PDE6A: variants seen among roughly 807,000 people sequenced by gnomAD.
PDE6A encodes the protein phosphodiesterase 6A, also known as rod cGMP-specific 3',5'-cyclic phosphodiesterase subunit alpha.
A neutral mutation model predicts 106.3 loss-of-function variants in PDE6A; 84 were observed. That is an observed-to-expected ratio of 0.79 (90% CI 0.66 to 0.95). The LOEUF is 0.95. Among genes scored for constraint, PDE6A ranks in the 40% least tolerant of loss-of-function variants. The probability of loss-of-function intolerance (pLI) is 0.00; values close to 1 mark genes in which losing one functional copy is unlikely to be tolerated. For synonymous variants in PDE6A, 394 were observed against 386.6 expected, an observed-to-expected ratio of 1.02 and a Z score of -0.23; for missense variants, 1,052 against 1,084.9, an observed-to-expected ratio of 0.97 and a Z score of 0.43.
intron 11 of PDE6A, 48 bp from the exon 12 acceptor site, chr5:149,896,550 G>C: frequency 6.2e-7 from 1 of 1,614,004 alleles, no homozygotes; most frequent in African/African-American, 1.3e-5. Flanking sequence ...AAGTGTTTCT[G>C]GGTGCCCACC....
intron 13 of PDE6A, among the ~76,000 whole-genome samples, chr5:149,894,644 T>TTG (rs1561725733): frequency 6.8e-6 from 1 of 147,824 alleles, no homozygotes; most frequent in African/African-American, 2.5e-5. Flanking sequence ...TTTTTTTTTT[T>TTG]TTTTTTGAGA....
chr5:149,931,213 T>TGAGCTACTACTTTGC, intron 3 of PDE6A, 45 bp from the exon 4 acceptor site: 1 of 1,594,490 alleles, frequency 6.3e-7, no homozygotes, highest in Non-Finnish European at 8.6e-7. Flanking sequence ...AGGTGCAAAG[T>TGAGCTACTACTTTGC]AGTAGCTCAC....
At chr5:149,909,736 G>A (rs1220626435) in intron 6 of PDE6A, among the ~76,000 whole-genome samples, 3 of 152,108 alleles carry the variant, frequency 2.0e-5, no homozygotes, top group African/African-American at 4.8e-5. Flanking sequence ...CATCACACAG[G>A]TTTTTTATTT....
chr5:149,866,458 C>CAA, intron 19 of PDE6A: 3 of 467,468 alleles, frequency 6.4e-6, no homozygotes, highest in Non-Finnish European at 7.7e-6. Context: ...GGAAACTGCA[C>CAA]AAAAAAAAAG....
chr5:149,903,719 T>C, intron 7 of PDE6A, 24 bp from the exon 8 acceptor site: 1 of 1,607,426 alleles, frequency 6.2e-7, no homozygotes, highest in Non-Finnish European at 8.5e-7. Context: ...AGGGGAATAA[T>C]GAAGGTGTGA....
At position 149,914,938 on chromosome 5, in the gene PDE6A, C is replaced by T; in HGVS notation, c.998+5G>A. 6.3e-7 allele frequency: 1 copy of T among 1,599,490 alleles called. No homozygotes were observed. The highest frequency in any genetic ancestry group is 8.6e-7 in the Non-Finnish European group (1 of 1,167,536). On this transcript the variant is annotated splice_donor_5th_base_variant and intron_variant, in intron 6 of 21. Transcript: ENST00000255266. Reference sequence around the variant, plus strand: ...TCATTTTGTCTTTTGACAGGTGAAACTTACGGGATGACTTTGATGTCCTCT... The same window carrying T: ...TCATTTTGTCTTTTGACAGGTGAAATTTACGGGATGACTTTGATGTCCTCT...
At chr5:149,911,886 G>A (rs1753399760) in intron 6 of PDE6A, among the ~76,000 whole-genome samples, 1 of 150,978 alleles carries the variant, frequency 6.6e-6, no homozygotes, top group Admixed American at 6.6e-5. Flanking sequence ...AGGCATGGTG[G>A]CTCACACCTG....
intron 13 of PDE6A, among the ~76,000 whole-genome samples, chr5:149,891,760 A>C (rs75511274): frequency 0.016 from 2,468 of 152,088 alleles, 35 homozygotes; most frequent in Non-Finnish European, 0.026. Context: ...CCATAATGAC[A>C]TTACTGCACT....
chr5:149,883,612 T>G, intron 16 of PDE6A, 76 bp from the exon 17 acceptor site: 1 of 964,404 alleles, frequency 1.0e-6, no homozygotes, highest in South Asian at 1.4e-5. Flanking sequence ...CATTGGCTGA[T>G]TCAGATGGAG....
intron 4 of PDE6A, among the ~76,000 whole-genome samples, chr5:149,924,012 T>A (rs1201441486): frequency 1.3e-5 from 2 of 152,156 alleles, no homozygotes; most frequent in Non-Finnish European, 2.9e-5. Flanking sequence ...GAGCTCTTTT[T>A]CTAGACTACC....
intron 1 of PDE6A, among the ~76,000 whole-genome samples, chr5:149,935,059 C>T (rs1754143788): frequency 6.6e-6 from 1 of 152,162 alleles, no homozygotes; most frequent in African/African-American, 2.4e-5. Flanking sequence ...CAGGGTACAG[C>T]TAAGAGGAAG....
At chr5:149,901,740 C>T (rs1202365055) in intron 8 of PDE6A, among the ~76,000 whole-genome samples, 4 of 152,152 alleles carry the variant, frequency 2.6e-5, no homozygotes, top group African/African-American at 9.7e-5. Flanking sequence ...AGTCTTCAGG[C>T]TTGTCGCATT....
At position 149,883,445 on chromosome 5, in the gene PDE6A, GT is replaced by G. The variant is rs1761006182; in HGVS notation, c.2118del (p.Arg707GlyfsTer8). On this transcript the variant is annotated frameshift_variant, in exon 17 of 22. Transcript: ENST00000255266. LOFTEE classifies it high-confidence loss of function. ...CCAACTCACATAACGATTTCCTTCC[GT>G]GTCTGCTCCAGCATCATGTACTGTG... ...EWTQYMMLEQTRKEIVMAMMM... is the reference protein window; with the variant it reads ...EWTQYMMLEQXRKEIVMAMMM... 6.2e-7 allele frequency: 1 copy of G among 1,611,522 alleles called. No homozygotes were observed. Among genetic ancestry groups the G allele is most frequent in the South Asian group, 1.1e-5 (1 of 91,026 alleles).
chr5:149,859,047 A>T lies in PDE6A; in HGVS notation c.*1848T>A. 6.6e-6 allele frequency: 1 copy of T among 150,984 alleles called. No individual in the cohort carries two copies. The highest frequency in any genetic ancestry group is 1.5e-5 in the Non-Finnish European group (1 of 67,740). 9.4% of individuals were successfully genotyped at this position (150,984 alleles called of 1,614,324 possible). A position where few individuals can be genotyped will look rare whatever the true frequency, so the allele number is the denominator to read the frequency against. On this transcript the variant is annotated 3_prime_UTR_variant, in exon 22 of 22. Coordinates refer to ENST00000255266, the MANE Select transcript of PDE6A (RefSeq NM_000440.3). ...ACCATGTTGGCCAGGCTGGTCTTGA[A>T]CTCCTGACCTCAGGTGATCCACCCA...
intron 7 of PDE6A, among the ~76,000 whole-genome samples, chr5:149,904,210 G>A (rs1268602302): frequency 6.6e-6 from 1 of 152,188 alleles, no homozygotes; most frequent in Non-Finnish European, 1.5e-5. Flanking sequence ...TCGTGCCACT[G>A]CACTCCAGCC....
At chr5:149,915,130 G>T (rs765837644) in intron 5 of PDE6A, 123 bp from the exon 6 acceptor site, 30 of 617,826 alleles carry the variant, frequency 4.9e-5, no homozygotes, top group Non-Finnish European at 8.2e-5. Flanking sequence ...CATCTCCTGC[G>T]TTCAAGCTAT....
rs370986552 is a variant in PDE6A, at chr5:149,915,223, C to A, written c.934-216G>T. Among the ~76,000 whole-genome samples, 6 of 151,466 alleles carry A rather than the reference C, an allele frequency of 4.0e-5. No individual in the cohort carries two copies. In the East Asian group the frequency reaches 1.2e-3, roughly 29 times the overall value. On this transcript the variant is annotated intron_variant, in intron 5 of 21. Transcript: ENST00000255266. The stretch of plus-strand genomic sequence containing the variant: ...CTAATTATTGTATTTTTAGCAGAGT[C>A]AGGGTTCCAACTCCTGACCCCATGA...
chr5:149,873,349 T>G (rs930146406), intron 17 of PDE6A, among the ~76,000 whole-genome samples: 2 of 148,634 alleles, frequency 1.3e-5, no homozygotes, highest in African/African-American at 2.5e-5. Flanking sequence ...TTTTTTTTTT[T>G]GAGACCGAGT....
chr5:149,941,792 C>T (rs149497316), intron 1 of PDE6A, among the ~76,000 whole-genome samples: 11 of 152,302 alleles, frequency 7.2e-5, no homozygotes, highest in African/African-American at 1.9e-4. Context: ...CAAAAGACAG[C>T]GCTACATCGG....
Sources: gnomAD v4.1 joint callset for allele counts (sites outside exome capture counted in the v4.1 genomes callset) on GRCh38, gnomAD v4.1.1 for gene constraint, MANE v1.5 for transcripts, NCBI Gene and HGNC (gene_info 2026-07-23, HGNC 2026-07-21) for gene names.